CNTN4: variants seen among roughly 807,000 people sequenced by gnomAD.
CNTN4 encodes the protein contactin 4, also known as contactin-4.
Under a neutral mutation model 122.5 loss-of-function variants are expected in CNTN4, and 77 were observed. That is an observed-to-expected ratio of 0.63 (90% CI 0.52 to 0.76). The LOEUF (loss-of-function observed/expected upper bound fraction) is 0.76, where lower values mean the gene tolerates loss of function less well. CNTN4 is among the 30% of genes least tolerant of loss of function. CNTN4 has a pLI of 0.00. For synonymous variants in CNTN4, 512 were observed against 447.0 expected (o/e 1.15, Z -1.83); for missense variants, 1,256 against 1,259.1 (o/e 1.00, Z 0.04).
At position 2,326,485 on chromosome 3, in the gene CNTN4, TACACAC is replaced by T. The variant is rs10557917; in HGVS notation, c.-144-12655_-144-12650del. 7.3e-3 allele frequency among the ~76,000 whole-genome samples: 923 copies of T among 126,076 alleles called. 7 individuals are homozygous for T. The highest frequency in any genetic ancestry group is 0.019 in the African/African-American group (711 of 36,850). 82.7% of individuals were successfully genotyped at this position (126,076 alleles called of 152,430 possible). ...GTGAGCCAATTCCTTCTAATAAATTTACACACACACACACACACACACACACACACA... is the reference window on the plus strand; with the variant it reads ...GTGAGCCAATTCCTTCTAATAAATTTACACACACACACACACACACACACA... On this transcript the variant is annotated intron_variant, in intron 2 of 24. Transcript: ENST00000418658.
chr3:2,600,005 C>CTTTTTTT lies in CNTN4; in HGVS notation c.55+28449_55+28450insTTTTTTT, dbSNP rs1220761684. Reference sequence around the variant, plus strand: ...CAACTCTATTTTGGTTTATGGAATTCTTCTTTTTTTTTTTTTTTTTTTTTT... The same window carrying CTTTTTTT: ...CAACTCTATTTTGGTTTATGGAATTCTTTTTTTTTCTTTTTTTTTTTTTTTTTTTTTT... On this transcript the variant is annotated intron_variant, in intron 4 of 24. Transcript: ENST00000418658. 5.3e-3 allele frequency among the ~76,000 whole-genome samples: 151 copies of CTTTTTTT among 28,290 alleles called. 26 individuals carry two copies. The highest frequency in any genetic ancestry group is 8.9e-3 in the Non-Finnish European group (94 of 10,606). The allele number at this position is 28,290 out of a possible 152,430, so 18.6% of individuals were successfully genotyped here. A position where few individuals can be genotyped will look rare whatever the true frequency, so the allele number is the denominator to read the frequency against.
chr3:2,770,044 T>C (rs924794028), intron 6 of CNTN4, among the ~76,000 whole-genome samples: 3 of 150,110 alleles, frequency 2.0e-5, no homozygotes, highest in Non-Finnish European at 4.4e-5. Context: ...TGTTTTTTTT[T>C]TTTGAGACGA....
chr3:2,840,128 G>A (rs2093321992), intron 7 of CNTN4, among the ~76,000 whole-genome samples: 1 of 152,046 alleles, frequency 6.6e-6, no homozygotes, highest in South Asian at 2.1e-4. Flanking sequence ...CAACAGATGT[G>A]TTCATTTGCA....
chr3:2,911,938 C>CTAT (rs2094304448), intron 12 of CNTN4, among the ~76,000 whole-genome samples: 1 of 152,020 alleles, frequency 6.6e-6, no homozygotes, highest in African/African-American at 2.4e-5. Context: ...GCTGAAGGGT[C>CTAT]TATGGGACAT....
chr3:2,505,266 G>T (rs1168479064), intron 3 of CNTN4, among the ~76,000 whole-genome samples: 1 of 152,166 alleles, frequency 6.6e-6, no homozygotes, highest in African/African-American at 2.4e-5. Flanking sequence ...AGGGAAGATC[G>T]GAGGCAGAGA....
At chr3:2,506,027 T>C (rs779725782) in intron 3 of CNTN4, among the ~76,000 whole-genome samples, 1 of 151,788 alleles carries the variant, frequency 6.6e-6, no homozygotes, top group Non-Finnish European at 1.5e-5. Flanking sequence ...TTTTTTTTTC[T>C]AATGTAACAC....
At chr3:2,265,604 A>G (rs1331991453) in intron 2 of CNTN4, among the ~76,000 whole-genome samples, 1 of 152,036 alleles carries the variant, frequency 6.6e-6, no homozygotes, top group Non-Finnish European at 1.5e-5. Context: ...TTTGTAAAGG[A>G]TGTCATTGGT....
chr3:2,975,272 T>G (rs1693316746), intron 13 of CNTN4, among the ~76,000 whole-genome samples: 1 of 152,190 alleles, frequency 6.6e-6, no homozygotes. Flanking sequence ...GTGGTTACAT[T>G]TTTTACTTCT....
In CNTN4 at chr3:2,640,641, A is replaced by G. The variant is rs201630270; in HGVS notation, c.55+69083A>G. On this transcript the variant is annotated intron_variant, in intron 4 of 24. Transcript: ENST00000418658. ...TTTAATATCTAGTGAGTGTGTGTAT[A>G]TGTGTGTGTGTATATATGCACACAT... 2.0e-3 allele frequency among the ~76,000 whole-genome samples: 304 copies of G among 151,666 alleles called. 1 individual carries two copies. Among genetic ancestry groups the G allele is most frequent in the African/African-American group, 6.9e-3 (285 of 41,350 alleles).
At chr3:2,319,577 C>T (rs2043213903) in intron 2 of CNTN4, among the ~76,000 whole-genome samples, 1 of 133,154 alleles carries the variant, frequency 7.5e-6, no homozygotes. Flanking sequence ...TGTGATGATC[C>T]ACTTCCACCT....
At chr3:2,379,008 T>A (rs936514900) in intron 3 of CNTN4, among the ~76,000 whole-genome samples, 1 of 152,294 alleles carries the variant, frequency 6.6e-6, no homozygotes, top group East Asian at 1.9e-4. Flanking sequence ...TCCTTTTCAT[T>A]GCCATGTAGG....
chr3:2,372,412 C>G (rs568211110), intron 3 of CNTN4, among the ~76,000 whole-genome samples: 58 of 152,250 alleles, frequency 3.8e-4, no homozygotes, highest in Non-Finnish European at 6.8e-4. Context: ...TGTATTCTTC[C>G]TTGTTTACCA....
At chr3:2,185,626 A>G (rs548683269) in intron 2 of CNTN4, among the ~76,000 whole-genome samples, 2 of 152,284 alleles carry the variant, frequency 1.3e-5, no homozygotes, top group South Asian at 2.1e-4. Context: ...TTGTACAATC[A>G]TGAGCCCGGC....
chr3:2,623,612 G>A (rs191681922), intron 4 of CNTN4, among the ~76,000 whole-genome samples: 2 of 152,290 alleles, frequency 1.3e-5, no homozygotes, highest in East Asian at 3.9e-4. Context: ...TTAGGAGAGA[G>A]GGTTGTGTGG....
intron 7 of CNTN4, chr3:2,866,440 T>G: frequency 8.2e-7 from 1 of 1,213,296 alleles, no homozygotes; most frequent in Non-Finnish European, 1.0e-6. Flanking sequence ...ACTCAATACA[T>G]GTTACATAGT....
chr3:2,507,352 C>T (rs1248940533), intron 3 of CNTN4, among the ~76,000 whole-genome samples: 1 of 151,894 alleles, frequency 6.6e-6, no homozygotes, highest in Non-Finnish European at 1.5e-5. Context: ...TTTAAACTGT[C>T]TTTGTTGGAA....
chr3:2,545,001 G>A (rs2078185362), intron 3 of CNTN4, among the ~76,000 whole-genome samples: 2 of 151,800 alleles, frequency 1.3e-5, no homozygotes. Context: ...TTTTGATGTG[G>A]GTGTTTAGTG....
At chr3:2,278,181 CT>C (rs2041588845) in intron 2 of CNTN4, among the ~76,000 whole-genome samples, 2 of 152,182 alleles carry the variant, frequency 1.3e-5, no homozygotes, top group African/African-American at 4.8e-5. Flanking sequence ...TAGGCAAAAA[CT>C]TTCCTCCAAA....
At chr3:2,386,062 A>G (rs2046245623) in intron 3 of CNTN4, among the ~76,000 whole-genome samples, 1 of 152,042 alleles carries the variant, frequency 6.6e-6, no homozygotes, top group Non-Finnish European at 1.5e-5. Flanking sequence ...TTCATGTCAC[A>G]GTATATTTGT....
Sources: gnomAD v4.1 joint callset for allele counts (sites outside exome capture counted in the v4.1 genomes callset) on GRCh38, gnomAD v4.1.1 for gene constraint, MANE v1.5 for transcripts, NCBI Gene and HGNC (gene_info 2026-07-23, HGNC 2026-07-21) for gene names.